DGKI: variants seen among roughly 807,000 people sequenced by gnomAD.
DGKI encodes DAG kinase iota.
Under a neutral mutation model 147.5 loss-of-function variants are expected in DGKI, and 55 were observed. The observed-to-expected ratio is 0.37, with a 90% CI of 0.30 to 0.47. The LOEUF is 0.47. Among genes scored for constraint, DGKI ranks in the 20% least tolerant of loss-of-function variants. The probability of loss-of-function intolerance (pLI) is 1.00; values close to 1 mark genes in which losing one functional copy is unlikely to be tolerated. For missense variants in DGKI, 1,007 were observed against 1,323.8 expected (o/e 0.76, Z 3.71); for synonymous variants, 469 against 477.1 (o/e 0.98, Z 0.22).
intron 12 of DGKI, 88 bp downstream of exon 12, chr7:137,597,759 A>C (rs1202829170): frequency 2.0e-5 from 25 of 1,242,570 alleles, no homozygotes; most frequent in South Asian, 1.1e-4. Context: ...GATTAGAAAG[A>C]CTGAGCAACG....
intron 2 of DGKI, among the ~76,000 whole-genome samples, chr7:137,686,476 A>G (rs752385842): frequency 6.6e-6 from 1 of 152,230 alleles, no homozygotes; most frequent in Non-Finnish European, 1.5e-5. Context: ...AAAATCTTCA[A>G]AGAATGAGCC....
chr7:137,444,544 T>C (rs1813638960), intron 27 of DGKI, among the ~76,000 whole-genome samples: 1 of 152,212 alleles, frequency 6.6e-6, no homozygotes, highest in Admixed American at 6.5e-5. Flanking sequence ...AGAAATAGCA[T>C]GCACCCTTAT....
chr7:137,654,873 A>T (rs1382591367), intron 4 of DGKI, 85 bp from the exon 5 acceptor site: 2 of 833,586 alleles, frequency 2.4e-6, no homozygotes, highest in Non-Finnish European at 3.8e-6. Flanking sequence ...AAACAGTGAC[A>T]GATATTGAGA....
At chr7:137,811,074 T>C (rs778520497) in intron 1 of DGKI, among the ~76,000 whole-genome samples, 12 of 152,132 alleles carry the variant, frequency 7.9e-5, no homozygotes, top group Non-Finnish European at 1.5e-4. Flanking sequence ...AAACTAAAAT[T>C]GTTGCTGAAT....
chr7:137,464,944 G>A (rs922709947), intron 26 of DGKI, among the ~76,000 whole-genome samples: 1 of 152,156 alleles, frequency 6.6e-6, no homozygotes, highest in Non-Finnish European at 1.5e-5. Flanking sequence ...CAAGGACAAA[G>A]ATTCTTATCT....
chr7:137,657,414 A>G lies in DGKI; in HGVS notation c.607-874T>C, dbSNP rs140758899. Among the ~76,000 whole-genome samples the G allele has an allele frequency of 1.5e-3, 236 of 152,364 alleles. 1 individual carries two copies. Among genetic ancestry groups the G allele is most frequent in the African/African-American group, 5.4e-3 (225 of 41,594 alleles). Reference sequence around the variant, plus strand: ...TATTAGTTTAAAATTATAATGAAATAAAACTTTTTAAAGTTTATCTTTTTC... The same window carrying G: ...TATTAGTTTAAAATTATAATGAAATGAAACTTTTTAAAGTTTATCTTTTTC... On this transcript the variant is annotated intron_variant, in intron 3 of 32. Transcript: ENST00000614521.
chr7:137,434,035 C>T (rs1813184414), intron 28 of DGKI, among the ~76,000 whole-genome samples: 1 of 151,588 alleles, frequency 6.6e-6, no homozygotes, highest in Non-Finnish European at 1.5e-5. Flanking sequence ...AGGAGAAGCG[C>T]TTGAACCTGG....
At chr7:137,480,734 G>A (rs936005353) in intron 23 of DGKI, among the ~76,000 whole-genome samples, 3 of 152,120 alleles carry the variant, frequency 2.0e-5, no homozygotes, top group Non-Finnish European at 2.9e-5. Context: ...CTTAGAGAAA[G>A]TAATCACCTG....
intron 10 of DGKI, among the ~76,000 whole-genome samples, chr7:137,600,866 C>T (rs980171560): frequency 2.9e-4 from 44 of 152,176 alleles, no homozygotes; most frequent in African/African-American, 1.0e-3. Flanking sequence ...TTCTCTGTCA[C>T]GTGAACATTT....
intron 28 of DGKI, among the ~76,000 whole-genome samples, chr7:137,443,227 C>T (rs552818379): frequency 2.6e-5 from 4 of 152,208 alleles, no homozygotes; most frequent in Admixed American, 2.6e-4. Flanking sequence ...AAGCTGAACA[C>T]AATTATTGGT....
chr7:137,645,210 T>G (rs1051548982), intron 6 of DGKI, among the ~76,000 whole-genome samples: 1 of 152,244 alleles, frequency 6.6e-6, no homozygotes, highest in African/African-American at 2.4e-5. Flanking sequence ...AGTCATGTTT[T>G]CAAAAATCAT....
chr7:137,619,408 C>T (rs1449213688), intron 8 of DGKI, among the ~76,000 whole-genome samples: 1 of 152,182 alleles, frequency 6.6e-6, no homozygotes, highest in Non-Finnish European at 1.5e-5. Flanking sequence ...TTGGAAGTGG[C>T]AGGAATCTTA....
In DGKI at chr7:137,717,364, A is replaced by G. The variant is rs181693356; in HGVS notation, c.402-27362T>C. ...TTTTCTTTGTGACTTACAAGAAATTAGAACTCTATTTAAAGTGAGTAATTG... is the reference window on the plus strand; with the variant it reads ...TTTTCTTTGTGACTTACAAGAAATTGGAACTCTATTTAAAGTGAGTAATTG... On this transcript the variant is annotated intron_variant, in intron 1 of 32. Coordinates refer to ENST00000614521, the MANE Select transcript of DGKI (RefSeq NM_001321708.2). 1.5e-3 allele frequency among the ~76,000 whole-genome samples: 233 copies of G among 152,354 alleles called. 1 individual carries two copies. Among genetic ancestry groups the G allele is most frequent in the Non-Finnish European group, 2.9e-4 (20 of 68,038 alleles).
At chr7:137,530,242 C>G (rs891521721) in intron 20 of DGKI, among the ~76,000 whole-genome samples, 1 of 152,170 alleles carries the variant, frequency 6.6e-6, no homozygotes, top group African/African-American at 2.4e-5. Flanking sequence ...GTGGTTAACT[C>G]CCTGCTGCCT....
In DGKI at chr7:137,597,708, T is replaced by C. The variant is rs374611277; in HGVS notation, c.1311+139A>G. ...CAATAACAAAGTCCCTTGTTACTCT[T>C]AGGGGCTATGATTCACATGAGAGAT... On this transcript the variant is annotated intron_variant, in intron 12 of 32. Coordinates refer to ENST00000614521, the MANE Select transcript of DGKI (RefSeq NM_001321708.2). 15 of 754,548 alleles carry C rather than the reference T, an allele frequency of 2.0e-5. No homozygotes were observed. The South Asian group carries it at 2.3e-4, about 12-fold the overall frequency. The allele number at this position is 754,548 out of a possible 1,614,324, so 46.7% of individuals were successfully genotyped here.
intron 2 of DGKI, among the ~76,000 whole-genome samples, chr7:137,678,976 G>T (rs538690058): frequency 6.6e-6 from 1 of 152,218 alleles, no homozygotes; most frequent in South Asian, 2.1e-4. Context: ...TTATTCACCA[G>T]GCCCACCACT....
At chr7:137,668,653 G>A (rs756069050) in intron 3 of DGKI, among the ~76,000 whole-genome samples, 13 of 152,292 alleles carry the variant, frequency 8.5e-5, no homozygotes, top group South Asian at 2.1e-4. Context: ...CTGTAGTGTT[G>A]GAGACAGATA....
chr7:137,734,822 T>C (rs544804632), intron 1 of DGKI, among the ~76,000 whole-genome samples: 24 of 152,262 alleles, frequency 1.6e-4, no homozygotes, highest in African/African-American at 5.3e-4. Flanking sequence ...AGTCATTCTG[T>C]AGATTTTTAG....
At chr7:137,802,098 C>T (rs1358296938) in intron 1 of DGKI, among the ~76,000 whole-genome samples, 2 of 152,090 alleles carry the variant, frequency 1.3e-5, no homozygotes, top group African/African-American at 2.4e-5. Context: ...TGCAGCAACC[C>T]GGATGGAGCT....
Sources: gnomAD v4.1 joint callset for allele counts (sites outside exome capture counted in the v4.1 genomes callset) on GRCh38, gnomAD v4.1.1 for gene constraint, MANE v1.5 for transcripts, NCBI Gene and HGNC (gene_info 2026-07-23, HGNC 2026-07-21) for gene names.